Variants in POLR2B observed in about 807,000 individuals in gnomAD.
The protein encoded by POLR2B is RNA polymerase II subunit B, also known as DNA-directed RNA polymerase II subunit RPB2.
POLR2B carries 57 observed loss-of-function variants against 144.6 expected under a neutral mutation model. The observed-to-expected ratio is 0.39, with a 90% CI of 0.32 to 0.49. POLR2B has a LOEUF of 0.49. POLR2B is among the 20% of genes least tolerant of loss of function. The pLI is 0.83. For missense variants in POLR2B, 595 were observed against 1,467.4 expected (o/e 0.41, Z 9.71); for synonymous variants, 442 against 469.8 (o/e 0.94, Z 0.77).
chr4:57,025,564 A>G (rs201167310), intron 23 of POLR2B, 27 bp downstream of exon 23: 31 of 1,461,420 alleles, frequency 2.1e-5, no homozygotes, highest in Admixed American at 6.8e-5. Flanking sequence ...CATCATTATT[A>G]TTAATTAACC....
At chr4:57,015,081 TGG>T (rs1190845489) in intron 13 of POLR2B, among the ~76,000 whole-genome samples, 1 of 143,290 alleles carries the variant, frequency 7.0e-6, no homozygotes, top group Non-Finnish European at 1.6e-5. Flanking sequence ...GTCTGATAGG[TGG>T]GTGTGAGAAG....
At position 57,023,612 on chromosome 4, in the gene POLR2B, T is replaced by C; in HGVS notation, c.2766+32T>C. The C allele has an allele frequency of 6.2e-7, 1 of 1,612,244 alleles. No individual in the cohort carries two copies. Among genetic ancestry groups the C allele is most frequent in the Non-Finnish European group, 8.5e-7 (1 of 1,178,628 alleles). On this transcript the variant is annotated intron_variant, in intron 19 of 24. Transcript: ENST00000314595. The surrounding 1 kb of genome is among the most constrained non-coding windows in gnomAD (Gnocchi z 4.3). ...ACAACTTTGTTCATGTAGCTAGTTTTAGAAAGTAAACCAAATCCACTTAAC... is the reference window on the plus strand; with the variant it reads ...ACAACTTTGTTCATGTAGCTAGTTTCAGAAAGTAAACCAAATCCACTTAAC...
chr4:57,015,414 T>A (rs1723332850), intron 13 of POLR2B, 88 bp from the exon 14 acceptor site: 1 of 653,008 alleles, frequency 1.5e-6, no homozygotes, highest in Non-Finnish European at 2.3e-6. Flanking sequence ...TCCAGAAATT[T>A]AGTAGGATTT....
chr4:57,013,949 TAAA>T (rs11310734), intron 13 of POLR2B, among the ~76,000 whole-genome samples: 189 of 135,658 alleles, frequency 1.4e-3, no homozygotes, highest in Non-Finnish European at 2.4e-3. Context: ...ATGTTTATAT[TAAA>T]AAAAAAAAAA....
rs1396973958 is a variant in POLR2B, at chr4:57,030,966, C to T, written c.3503C>T (p.Ala1168Val). Residue 1168 changes from alanine (A) to valine (V), a missense_variant, in exon 25 of 25, where the codon GCA becomes GTA. Coordinates refer to ENST00000314595, the MANE Select transcript of POLR2B (RefSeq NM_000938.3). ...LFQELMSMSI[A>V]PRMMSV ...CAGGAACTTATGTCTATGAGTATTG[C>T]ACCGCGAATGATGAGTGTTTAGCTA... 1.9e-6 allele frequency: 3 copies of T among 1,593,362 alleles called. No individual in the cohort carries two copies. The highest frequency in any genetic ancestry group is 8.6e-7 in the Non-Finnish European group (1 of 1,161,080).
intron 1 of POLR2B, among the ~76,000 whole-genome samples, chr4:56,982,256 C>G (rs1370349943): frequency 6.6e-6 from 1 of 152,054 alleles, no homozygotes; most frequent in Admixed American, 6.6e-5. Flanking sequence ...TGCCTCCTGT[C>G]TTCTCTGTCT....
intron 17 of POLR2B, among the ~76,000 whole-genome samples, chr4:57,021,912 G>C (rs1723563982): frequency 6.6e-6 from 1 of 151,948 alleles, no homozygotes; most frequent in Admixed American, 6.6e-5. Context: ...TTGACCCCTG[G>C]GTCTCTTCCA....
At chr4:56,984,949 A>G (rs1366192579) in intron 1 of POLR2B, among the ~76,000 whole-genome samples, 1 of 152,188 alleles carries the variant, frequency 6.6e-6, no homozygotes, top group Non-Finnish European at 1.5e-5. Flanking sequence ...TGTTATGTTC[A>G]TGGATACTGT....
intron 2 of POLR2B, among the ~76,000 whole-genome samples, chr4:56,990,410 G>C (rs1156501282): frequency 2.6e-5 from 4 of 151,956 alleles, no homozygotes; most frequent in African/African-American, 9.7e-5. Context: ...CTTATTTGTT[G>C]AAATGAGGTC....
intron 6 of POLR2B, among the ~76,000 whole-genome samples, chr4:56,996,876 G>C (rs550937176): frequency 3.9e-5 from 6 of 152,016 alleles, no homozygotes; most frequent in Non-Finnish European, 7.4e-5. Context: ...GCTTGAGCCC[G>C]GGATGTGAGA....
rs576651499 is a variant in POLR2B, at chr4:57,004,327, G to T, written c.901-919G>T. ...GCCTCCCAAAGTGCTGGGATTATAG[G>T]CATGAGCCTCCATTCCCAGCAAATC... On this transcript the variant is annotated intron_variant, in intron 7 of 24. Coordinates refer to ENST00000314595, the MANE Select transcript of POLR2B (RefSeq NM_000938.3). Among the ~76,000 whole-genome samples, 44 of 150,290 alleles carry T rather than the reference G, an allele frequency of 2.9e-4. 1 individual carries two copies. Among genetic ancestry groups the T allele is most frequent in the Admixed American group, 2.3e-3 (35 of 15,064 alleles).
At chr4:56,979,469 G>A (rs1722085377) in intron 1 of POLR2B, among the ~76,000 whole-genome samples, 1 of 151,526 alleles carries the variant, frequency 6.6e-6, no homozygotes, top group South Asian at 2.1e-4. Flanking sequence ...GGGGGGACTC[G>A]GTTTAGTCTG....
chr4:56,993,029 T>C (rs762506602), intron 3 of POLR2B, among the ~76,000 whole-genome samples: 4 of 151,968 alleles, frequency 2.6e-5, no homozygotes, highest in African/African-American at 4.8e-5. Flanking sequence ...GGAGGCCAGA[T>C]GTGGTGGCTC....
chr4:57,019,341 C>T (rs1578588066), intron 16 of POLR2B, among the ~76,000 whole-genome samples: 1 of 151,952 alleles, frequency 6.6e-6, no homozygotes, highest in Non-Finnish European at 1.5e-5. Flanking sequence ...TTCTGTTATT[C>T]CTGACTTCAT....
Position 57,023,637 on chromosome 4 carries a change from C to T in POLR2B, c.2767-25C>T, listed in dbSNP as rs1184020252. ...TAGAAAGTAAACCAAATCCACTTAA[C>T]TAACTTATTTTTATATGAATTTAGG... is the stretch of plus-strand genomic sequence containing the variant. On this transcript the variant is annotated intron_variant, in intron 19 of 24. Coordinates refer to ENST00000314595, the MANE Select transcript of POLR2B (RefSeq NM_000938.3). The surrounding 1 kb of genome is among the most constrained non-coding windows in gnomAD (Gnocchi z 4.3). The T allele has an allele frequency of 4.3e-6, 7 of 1,610,404 alleles. No homozygotes were observed. The highest frequency in any genetic ancestry group is 5.1e-6 in the Non-Finnish European group (6 of 1,177,636).
At chr4:57,029,152 A>G (rs1723827874) in intron 23 of POLR2B, among the ~76,000 whole-genome samples, 1 of 151,924 alleles carries the variant, frequency 6.6e-6, no homozygotes, top group South Asian at 2.1e-4. Flanking sequence ...TGGCAGTAAT[A>G]CTTTATAGGT....
chr4:57,010,628 AATTGT>A (rs1191037009), intron 11 of POLR2B, 115 bp from the exon 12 acceptor site: 7 of 1,345,896 alleles, frequency 5.2e-6, no homozygotes, highest in Non-Finnish European at 5.1e-6. Context: ...TTTTTTTTAT[AATTGT>A]ATTCTTAGAA....
At chr4:56,993,292 G>A (rs1024792826) in intron 3 of POLR2B, among the ~76,000 whole-genome samples, 1 of 152,122 alleles carries the variant, frequency 6.6e-6, no homozygotes, top group African/African-American at 2.4e-5. Flanking sequence ...GACAGAGTGA[G>A]ACCCTGTCTC....
intron 16 of POLR2B, among the ~76,000 whole-genome samples, chr4:57,020,691 C>G (rs1723514412): frequency 6.6e-6 from 1 of 152,046 alleles, no homozygotes; most frequent in Admixed American, 6.5e-5. Flanking sequence ...GTGACTAGTC[C>G]TAGGATTTGC....
Sources: allele counts gnomAD v4.1 joint callset (sites outside exome capture counted in the v4.1 genomes callset), GRCh38; gene constraint gnomAD v4.1.1; non-coding constraint Gnocchi (gnomAD v3.1); transcripts MANE v1.5; gene names NCBI Gene and HGNC (gene_info 2026-07-23, HGNC 2026-07-21).